The following PDE6A variants were observed in gnomAD, a reference collection of about 807,000 sequenced individuals.
PDE6A encodes the protein rod cGMP-specific 3',5'-cyclic phosphodiesterase subunit alpha.
PDE6A carries 84 observed loss-of-function variants against 106.3 expected under a neutral mutation model. The ratio of observed to expected loss-of-function variants is 0.79; its 90% CI spans 0.66 to 0.95. The LOEUF (loss-of-function observed/expected upper bound fraction) is 0.95, where lower values mean the gene tolerates loss of function less well. Ranked by LOEUF, PDE6A falls within the 40% of genes least tolerant of loss-of-function variation. The probability of loss-of-function intolerance (pLI) is 0.00; values close to 1 mark genes in which losing one functional copy is unlikely to be tolerated. For missense variants in PDE6A, 1,052 were observed against 1,084.9 expected (o/e 0.97, Z 0.43); for synonymous variants, 394 against 386.6 (o/e 1.02, Z -0.23).
At chr5:149,891,117 A>G (rs1752528335) in intron 13 of PDE6A, among the ~76,000 whole-genome samples, 1 of 152,176 alleles carries the variant, frequency 6.6e-6, no homozygotes, top group South Asian at 2.1e-4. Context: ...ATGACTCATC[A>G]TGGAAGAGAT....
In PDE6A at chr5:149,921,602, T is replaced by C. The variant is rs528589150; in HGVS notation, c.933+33A>G. On this transcript the variant is annotated intron_variant, in intron 5 of 21. Transcript: ENST00000255266. ...TACTGTGCCTTGCATTTGAATATATTAAATCATACTGAAAAGGTCAGAGAG... is the reference window on the plus strand; with the variant it reads ...TACTGTGCCTTGCATTTGAATATATCAAATCATACTGAAAAGGTCAGAGAG... 5.1e-5 allele frequency: 79 copies of C among 1,545,240 alleles called. 2 individuals carry two copies. The South Asian group carries it at 7.8e-4, about 15-fold the overall frequency.
intron 5 of PDE6A, among the ~76,000 whole-genome samples, chr5:149,918,229 T>C (rs1377051541): frequency 6.6e-6 from 1 of 152,188 alleles, no homozygotes. Flanking sequence ...CTTTAAAAAG[T>C]CTGGAGATGA....
chr5:149,895,809 A>C (rs2113584685), intron 12 of PDE6A, among the ~76,000 whole-genome samples: 1 of 152,120 alleles, frequency 6.6e-6, no homozygotes. Context: ...AGAGAGAGAG[A>C]GAAAAAGAAG....
intron 13 of PDE6A, among the ~76,000 whole-genome samples, chr5:149,887,785 C>G (rs1752369896): frequency 6.6e-6 from 1 of 152,074 alleles, no homozygotes; most frequent in South Asian, 2.1e-4. Context: ...ACCGCCTCAT[C>G]ATGAGAACAT....
intron 13 of PDE6A, among the ~76,000 whole-genome samples, chr5:149,889,681 G>A (rs945477505): frequency 4.6e-5 from 7 of 151,948 alleles, no homozygotes; most frequent in Non-Finnish European, 8.8e-5. Context: ...TGAGGCAAGC[G>A]GATAACTTGA....
chr5:149,935,096 C>T (rs191679100), intron 1 of PDE6A, among the ~76,000 whole-genome samples: 3 of 152,284 alleles, frequency 2.0e-5, no homozygotes, highest in Non-Finnish European at 1.5e-5. Flanking sequence ...GGAAGTACAA[C>T]GACAGTTGCT....
In PDE6A at chr5:149,934,006, T is replaced by A. The variant is rs914640812; in HGVS notation, c.641A>T (p.Tyr214Phe). 6 of 1,607,972 alleles carry A rather than the reference T, an allele frequency of 3.7e-6. No individual in the cohort carries two copies. Among genetic ancestry groups the A allele is most frequent in the Non-Finnish European group, 3.4e-6 (4 of 1,174,604 alleles). Residue 214 changes from tyrosine (Y) to phenylalanine (F), a missense_variant, in exon 3 of 22, where the codon TAC (tyrosine) becomes TTC (phenylalanine). This residue lies in a region of PDE6A where 913 missense variants were observed against 915.2 expected (regional missense o/e 1.00). Transcript: ENST00000255266. The stretch of plus-strand genomic sequence containing the variant: ...CATGATTAGATTTGCAAAATTGAGG[T>A]ACTTGAGAAGAATCTAAAAATCAAA... Reference protein sequence around the residue: ...TKRDEEILLKYLNFANLIMKV... With the variant: ...TKRDEEILLKFLNFANLIMKV...
intron 4 of PDE6A, among the ~76,000 whole-genome samples, chr5:149,927,942 C>A (rs1361327372): frequency 6.6e-6 from 1 of 151,682 alleles, no homozygotes; most frequent in Non-Finnish European, 1.5e-5. Context: ...TCCACCTCCA[C>A]ACTTTGTCCC....
At chr5:149,928,231 A>ATATATATATATATATTGTTTTTTTT in intron 4 of PDE6A, among the ~76,000 whole-genome samples, 1 of 19,754 alleles carries the variant, frequency 5.1e-5, no homozygotes, top group African/African-American at 4.8e-4. Flanking sequence ...ATATATATAT[A>ATATATATATATATATTGTTTTTTTT]TTTTTTTTTT....
chr5:149,922,203 G>A (rs1436672872), intron 4 of PDE6A, among the ~76,000 whole-genome samples: 2 of 152,076 alleles, frequency 1.3e-5, no homozygotes, highest in Non-Finnish European at 2.9e-5. Flanking sequence ...ATGATACACT[G>A]ATAAGTGACA....
chr5:149,938,989 T>C (rs1754258142), intron 1 of PDE6A, among the ~76,000 whole-genome samples: 1 of 152,176 alleles, frequency 6.6e-6, no homozygotes, highest in South Asian at 2.1e-4. Context: ...TCTAGACCCC[T>C]GTCTACACCA....
intron 5 of PDE6A, among the ~76,000 whole-genome samples, chr5:149,920,085 T>C (rs1282556151): frequency 6.6e-6 from 1 of 152,036 alleles, no homozygotes; most frequent in Non-Finnish European, 1.5e-5. Context: ...CTCAGCACTT[T>C]GGGAGCTCAA....
intron 5 of PDE6A, among the ~76,000 whole-genome samples, chr5:149,916,548 G>A (rs1387316118): frequency 2.0e-5 from 3 of 151,866 alleles, no homozygotes; most frequent in East Asian, 1.9e-4. Context: ...CATCTCTCCC[G>A]CCTCCTTGCA....
At chr5:149,939,526 A>G (rs1420843772) in intron 1 of PDE6A, among the ~76,000 whole-genome samples, 2 of 152,322 alleles carry the variant, frequency 1.3e-5, no homozygotes, top group East Asian at 3.9e-4. Flanking sequence ...TAACAACGAC[A>G]ACAATAACAG....
chr5:149,923,573 C>T (rs1399729656), intron 4 of PDE6A, among the ~76,000 whole-genome samples: 1 of 79,480 alleles, frequency 1.3e-5, no homozygotes, highest in Non-Finnish European at 2.2e-5. Context: ...CATAACATAA[C>T]ATAACAAACA....
intron 1 of PDE6A, among the ~76,000 whole-genome samples, chr5:149,941,073 A>G (rs1754315839): frequency 6.6e-6 from 1 of 152,206 alleles, no homozygotes; most frequent in African/African-American, 2.4e-5. Context: ...TAAGACCCGC[A>G]TGGGCCCTGC....
intron 6 of PDE6A, among the ~76,000 whole-genome samples, chr5:149,908,229 C>T (rs1753264163): frequency 6.6e-6 from 1 of 152,212 alleles, no homozygotes; most frequent in Non-Finnish European, 1.5e-5. Context: ...ATCCATTCAA[C>T]TGTTGGTGGA....
chr5:149,940,255 G>A (rs574483259), intron 1 of PDE6A: 2 of 152,330 alleles, frequency 1.3e-5, no homozygotes, highest in South Asian at 2.1e-4. Context: ...GAGGGGAAAC[G>A]AGTGAGGCAA....
At chr5:149,861,793 AT>A (rs1214242329) in intron 21 of PDE6A, among the ~76,000 whole-genome samples, 2 of 152,224 alleles carry the variant, frequency 1.3e-5, no homozygotes, top group African/African-American at 2.4e-5. Context: ...GGAGAAAAAA[AT>A]GTAAGCCAAA....
Sources: gnomAD v4.1 joint callset for allele counts (sites outside exome capture counted in the v4.1 genomes callset) on GRCh38, gnomAD v4.1.1 for gene constraint, gnomAD v4.1.1 regional missense constraint, MANE v1.5 for transcripts, NCBI Gene and HGNC (gene_info 2026-07-23, HGNC 2026-07-21) for gene names.